CASK: variants seen among roughly 807,000 people sequenced by gnomAD.
The protein encoded by CASK is peripheral plasma membrane protein CASK.
In CASK, 4 loss-of-function variants were observed where a neutral mutation model predicts 82.9. The observed-to-expected ratio is 0.05, with a 90% CI of 0.02 to 0.11. CASK has a LOEUF of 0.11. Ranked by LOEUF, CASK falls within the 10% of genes least tolerant of loss-of-function variation. The pLI, the probability that CASK is intolerant of heterozygous loss-of-function variation, is 1.00. For missense variants in CASK, 358 were observed against 720.9 expected (o/e 0.50, Z 5.76); for synonymous variants, 259 against 253.5 (o/e 1.02, Z -0.20).
intron 22 of CASK, among the ~76,000 whole-genome samples, chrX:41,542,145 G>A (rs1325489959): frequency 2.7e-5 from 3 of 112,490 alleles, no homozygotes; most frequent in Non-Finnish European, 5.6e-5. Context: ...GTGGTAGCTT[G>A]GAAATACCAT....
At chrX:41,812,021 C>T (rs2070299581) in intron 2 of CASK, among the ~76,000 whole-genome samples, 1 of 111,453 alleles carries the variant, frequency 9.0e-6, no homozygotes, top group Non-Finnish European at 1.9e-5. Context: ...CACATACACC[C>T]TCCCAAGACT....
At chrX:41,895,265 G>A (rs1306786095) in intron 1 of CASK, among the ~76,000 whole-genome samples, 2 of 111,887 alleles carry the variant, frequency 1.8e-5, no homozygotes, top group East Asian at 2.8e-4. Context: ...AGCAAGAATC[G>A]AGGAAAGAGG....
chrX:41,662,685 C>T (rs1423089558), intron 7 of CASK, among the ~76,000 whole-genome samples: 5 of 109,897 alleles, frequency 4.5e-5, no homozygotes, highest in Admixed American at 3.9e-4. Flanking sequence ...CCCAGCTACT[C>T]GGGAGGCTGA....
chrX:41,579,778 TA>T lies in CASK; in HGVS notation c.1315-1251del, dbSNP rs762044511. ...AATTAAGTTATTTTATTAAAAGGCT[TA>T]AAAAAGTCATGACTTGGCTATTTAA... On this transcript the variant is annotated intron_variant, in intron 14 of 26. Coordinates refer to ENST00000378163, the MANE Select transcript of CASK (RefSeq NM_001367721.1). Among the ~76,000 whole-genome samples the T allele has an allele frequency of 6.3e-5, 7 of 111,239 alleles. No individual in the cohort carries two copies. The East Asian group carries it at 2.0e-3, about 31-fold the overall frequency.
intron 5 of CASK, among the ~76,000 whole-genome samples, chrX:41,706,001 T>G (rs935569437): frequency 1.8e-5 from 2 of 111,622 alleles, no homozygotes; most frequent in Non-Finnish European, 3.8e-5. Flanking sequence ...ATGGCCTTTC[T>G]CACAATTTGG....
rs2065150562 is a variant in CASK at position 41,555,612 on chromosome X, T to C, written c.1830A>G (p.Pro610=). ...GATATCTATTCACCTGTCGTCCTTT[T>C]GGTTGGGTAGTTGATGGCAAGTCCT... ...SVSDLPSTTQ[P]KGRQIYVRAQ... is the part of the protein sequence containing the mutation. The change falls in exon 20 of 27, where the codon CCA becomes CCG. Residue 610 remains proline, a synonymous_variant. Transcript: ENST00000378163. The C allele has an allele frequency of 8.3e-7, 1 of 1,203,925 alleles. No individual in the cohort carries two copies. The highest frequency in any genetic ancestry group is 2.2e-5 in the Admixed American group (1 of 45,637).
intron 7 of CASK, 110 bp downstream of exon 7, chrX:41,665,167 G>T: frequency 1.5e-6 from 1 of 650,753 alleles, no homozygotes; most frequent in Non-Finnish European, 2.4e-6. Context: ...CTCTGATGGG[G>T]TAACTACCTG....
intron 2 of CASK, among the ~76,000 whole-genome samples, chrX:41,832,281 G>T (rs918973334): frequency 5.4e-5 from 6 of 111,780 alleles, no homozygotes; most frequent in Non-Finnish European, 9.4e-5. Context: ...CTCTTCAGGG[G>T]TCCTTGGAAG....
intron 1 of CASK, among the ~76,000 whole-genome samples, chrX:41,912,901 TC>T (rs2072608386): frequency 9.3e-6 from 1 of 107,993 alleles, no homozygotes; most frequent in Non-Finnish European, 1.9e-5. Flanking sequence ...TATTAAAATT[TC>T]TTCAATTTTC....
rs1445011867 is a variant in CASK at position 41,922,743 on chromosome X, G to A, written c.59+187C>T. 4.5e-5 allele frequency among the ~76,000 whole-genome samples: 5 copies of A among 111,223 alleles called. No individual in the cohort carries two copies. In the East Asian group the frequency reaches 1.4e-3, roughly 32 times the overall value. ...CTCGGTGGCCTCAATGGACCGCTGA[G>A]AACCCCCAGGCCCCCGCCTGGCAGG... On this transcript the variant is annotated intron_variant, in intron 1 of 26. Coordinates refer to ENST00000378163, the MANE Select transcript of CASK (RefSeq NM_001367721.1).
chrX:41,858,098 A>G lies in CASK; in HGVS notation c.60-4871T>C, dbSNP rs1273514885. On this transcript the variant is annotated intron_variant, in intron 1 of 26. Transcript: ENST00000378163. The stretch of plus-strand genomic sequence containing the variant: ...ATTATTGTAGGACGTGTTTGCTAAA[A>G]CAAGAATAGACCAATAAAAAGCATG... Among the ~76,000 whole-genome samples the G allele has an allele frequency of 4.5e-5, 5 of 112,151 alleles. No homozygotes were observed. In the East Asian group the frequency reaches 1.4e-3, roughly 31 times the overall value.
chrX:41,770,196 A>AG (rs2147791638), intron 3 of CASK, among the ~76,000 whole-genome samples: 1 of 108,705 alleles, frequency 9.2e-6, no homozygotes, highest in African/African-American at 3.4e-5. Flanking sequence ...ATAAAAGCTG[A>AG]GCTTGTTTTT....
chrX:41,888,829 G>GTA (rs1217923883), intron 1 of CASK, among the ~76,000 whole-genome samples: 14 of 105,882 alleles, frequency 1.3e-4, no homozygotes, highest in African/African-American at 4.8e-4. Context: ...ATATATGTAT[G>GTA]TATATATATG....
intron 2 of CASK, among the ~76,000 whole-genome samples, chrX:41,794,757 G>A (rs573376362): frequency 4.5e-5 from 5 of 112,097 alleles, no homozygotes; most frequent in Non-Finnish European, 7.5e-5. Context: ...AAAAGCAAAC[G>A]AGAAGTTACT....
At chrX:41,656,100 C>A (rs756152971) in intron 8 of CASK, among the ~76,000 whole-genome samples, 2 of 111,735 alleles carry the variant, frequency 1.8e-5, no homozygotes, top group East Asian at 5.7e-4. Context: ...CTGTGTGCTC[C>A]CTCGAGGTGG....
intron 1 of CASK, among the ~76,000 whole-genome samples, chrX:41,887,176 A>G (rs1282800257): frequency 2.7e-5 from 3 of 110,440 alleles, no homozygotes; most frequent in Non-Finnish European, 5.7e-5. Context: ...AAAATCAGCC[A>G]CATGGAAGAG....
At chrX:41,613,154 G>C (rs1247978139) in intron 11 of CASK, among the ~76,000 whole-genome samples, 23 of 112,468 alleles carry the variant, frequency 2.0e-4, no homozygotes, top group African/African-American at 6.8e-4. Context: ...ATTGAGAACA[G>C]GCCATGATGA....
intron 1 of CASK, among the ~76,000 whole-genome samples, chrX:41,854,224 G>GCGCACACACACA (rs1367817089): frequency 8.2e-4 from 67 of 81,727 alleles, no homozygotes; most frequent in South Asian, 2.8e-3. Context: ...GCGGGCGCGC[G>GCGCACACACACA]CACACACACA....
At position 41,520,595 on chromosome X, in the gene CASK, T is replaced by A; in HGVS notation, c.2606A>T (p.Asp869Val). ...CTTCTGCAGACGCTGAAGAGATTCA[T>A]CCTAAATGGTGATGAGATGGAGGTA... The part of the protein sequence containing the change: ...APTITPGLNE[D>V]ESLQRLQKES... Residue 869 changes from aspartate (D) to valine (V), a missense_variant and splice_region_variant, in exon 27 of 27, where the codon GAT becomes GTT. Physicochemically the swap from Asp to Val is radical, Grantham distance 152. Transcript: ENST00000378163. The A allele has an allele frequency of 1.7e-6, 2 of 1,202,418 alleles. No homozygotes were observed. Among genetic ancestry groups the A allele is most frequent in the Non-Finnish European group, 2.3e-6 (2 of 888,809 alleles).
Sources: allele counts gnomAD v4.1 joint callset (sites outside exome capture counted in the v4.1 genomes callset), GRCh38; gene constraint gnomAD v4.1.1; transcripts MANE v1.5; gene names NCBI Gene and HGNC (gene_info 2026-07-23, HGNC 2026-07-21).